AGBL1: variants seen among roughly 807,000 people sequenced by gnomAD.
The protein encoded by AGBL1 is AGBL carboxypeptidase 1.
AGBL1 carries 130 observed loss-of-function variants against 118.9 expected under a neutral mutation model. The ratio of observed to expected loss-of-function variants is 1.09; its 90% CI spans 0.95 to 1.26. AGBL1 has a LOEUF of 1.26. AGBL1 is among the 50% of genes most tolerant of loss of function. AGBL1 has a pLI of 0.00. For missense variants in AGBL1, 1,584 were observed against 1,298.1 expected, an observed-to-expected ratio of 1.22 and a Z score of -3.38; for synonymous variants, 555 against 478.9, an observed-to-expected ratio of 1.16 and a Z score of -2.08.
intron 7 of AGBL1, among the ~76,000 whole-genome samples, chr15:86,250,501 G>T (rs1471720720): frequency 2.7e-5 from 3 of 110,030 alleles, no homozygotes; most frequent in African/African-American, 1.1e-4. Context: ...ACTCCAGTCT[G>T]GGCAACAGAG....
chr15:86,355,757 G>T (rs191699938), intron 17 of AGBL1, among the ~76,000 whole-genome samples: 27 of 152,274 alleles, frequency 1.8e-4, no homozygotes, highest in Admixed American at 3.3e-4. Context: ...GCAGGTGAAG[G>T]GGGGCATGAG....
chr15:86,339,975 A>AG (rs1261062459), intron 17 of AGBL1, among the ~76,000 whole-genome samples: 1 of 152,142 alleles, frequency 6.6e-6, no homozygotes, highest in Non-Finnish European at 1.5e-5. Context: ...AAAAAAAAAA[A>AG]AAAGTTTTTA....
intron 18 of AGBL1, among the ~76,000 whole-genome samples, chr15:86,481,439 G>A (rs2082650599): frequency 6.6e-6 from 1 of 152,054 alleles, no homozygotes; most frequent in African/African-American, 2.4e-5. Context: ...CTGGGAGCAG[G>A]ACTTTCTGCG....
chr15:86,951,125 G>A (rs1363342124), intron 23 of AGBL1, among the ~76,000 whole-genome samples: 3 of 152,130 alleles, frequency 2.0e-5, no homozygotes, highest in Non-Finnish European at 2.9e-5. Flanking sequence ...AGGTTCAAAA[G>A]TCAATGAGGG....
intron 22 of AGBL1, among the ~76,000 whole-genome samples, chr15:86,878,568 TC>T (rs529344483): frequency 1.3e-5 from 2 of 152,104 alleles, no homozygotes; most frequent in Non-Finnish European, 2.9e-5. Context: ...TCTGCTCCTT[TC>T]TTTGTTTCTC....
chr15:86,643,735 A>G (rs1450899533), intron 21 of AGBL1, among the ~76,000 whole-genome samples: 1 of 152,076 alleles, frequency 6.6e-6, no homozygotes, highest in Non-Finnish European at 1.5e-5. Context: ...TTGACTTTAT[A>G]TTTCTAAATT....
chr15:86,085,284 T>C (rs565905887), intron 1 of AGBL1, among the ~76,000 whole-genome samples: 16 of 152,242 alleles, frequency 1.1e-4, no homozygotes, highest in Non-Finnish European at 1.5e-4. Context: ...GGGTGCCTAG[T>C]GATCTTCCCC....
chr15:86,094,166 T>C (rs1205931277), intron 1 of AGBL1, among the ~76,000 whole-genome samples: 1 of 152,148 alleles, frequency 6.6e-6, no homozygotes, highest in African/African-American at 2.4e-5. Context: ...AATCTATAAT[T>C]GACACTATAA....
intron 21 of AGBL1, among the ~76,000 whole-genome samples, chr15:86,622,010 C>A (rs776589440): frequency 2.6e-5 from 4 of 152,186 alleles, no homozygotes; most frequent in African/African-American, 9.6e-5. Context: ...AATTCATCTG[C>A]AAGACAAAGA....
intron 21 of AGBL1, among the ~76,000 whole-genome samples, chr15:86,593,125 G>T (rs1164920443): frequency 6.6e-6 from 1 of 152,016 alleles, no homozygotes; most frequent in Non-Finnish European, 1.5e-5. Flanking sequence ...TATTGTTCAA[G>T]TTGCCCCAGT....
chr15:86,150,918 T>A (rs2141676793), intron 3 of AGBL1, among the ~76,000 whole-genome samples: 1 of 152,032 alleles, frequency 6.6e-6, no homozygotes, highest in South Asian at 2.1e-4. Flanking sequence ...CTTATCTCAA[T>A]GATAGACTGG....
intron 22 of AGBL1, among the ~76,000 whole-genome samples, chr15:86,688,091 A>G (rs79142952): frequency 0.011 from 1,743 of 152,294 alleles, 26 homozygotes; most frequent in East Asian, 0.071. Flanking sequence ...TTATAAAACT[A>G]ATGCCAGGAG....
intron 22 of AGBL1, among the ~76,000 whole-genome samples, chr15:86,840,293 C>G (rs2079227031): frequency 6.6e-6 from 1 of 152,156 alleles, no homozygotes; most frequent in African/African-American, 2.4e-5. Context: ...AAATAAATCT[C>G]TCTTCAGTGG....
chr15:86,646,821 G>A (rs1290712529), intron 21 of AGBL1, among the ~76,000 whole-genome samples: 1 of 151,908 alleles, frequency 6.6e-6, no homozygotes, highest in Non-Finnish European at 1.5e-5. Context: ...TTTGATAGGT[G>A]GTGAGTAATT....
chr15:86,919,107 C>CT (rs2080458950), downstream of AGBL1, among the ~76,000 whole-genome samples: 1 of 152,196 alleles, frequency 6.6e-6, no homozygotes, highest in African/African-American at 2.4e-5. Context: ...CAGCTAGTTT[C>CT]AAGTGATACT....
At chr15:86,303,964 T>G (rs1287424977) in intron 17 of AGBL1, among the ~76,000 whole-genome samples, 15 of 152,146 alleles carry the variant, frequency 9.9e-5, no homozygotes, top group South Asian at 2.1e-4. Flanking sequence ...AGAGCTTGGA[T>G]TTGAACCAAA....
At chr15:86,339,094 C>T (rs1249383694) in intron 17 of AGBL1, among the ~76,000 whole-genome samples, 1 of 151,970 alleles carries the variant, frequency 6.6e-6, no homozygotes, top group African/African-American at 2.4e-5. Flanking sequence ...CTTTATGATC[C>T]TTCATCCTTG....
At chr15:86,845,496 T>A (rs143417905) in intron 22 of AGBL1, among the ~76,000 whole-genome samples, 120 of 152,272 alleles carry the variant, frequency 7.9e-4, no homozygotes, top group Non-Finnish European at 9.6e-4. Context: ...TTTGCCCAAT[T>A]TGGTTTGCTA....
intron 20 of AGBL1, among the ~76,000 whole-genome samples, chr15:86,548,656 C>G (rs1306737031): frequency 8.6e-6 from 1 of 115,902 alleles, no homozygotes; most frequent in Non-Finnish European, 1.7e-5. Flanking sequence ...CACACACACA[C>G]ATGCACGCAC....
Sources: allele counts gnomAD v4.1 joint callset (sites outside exome capture counted in the v4.1 genomes callset), GRCh38; gene constraint gnomAD v4.1.1; transcripts MANE v1.5; gene names NCBI Gene and HGNC (gene_info 2026-07-23, HGNC 2026-07-21).